Variants in IQCM observed in about 807,000 individuals in gnomAD.
The protein encoded by IQCM is IQ motif containing M.
Under a neutral mutation model 57.6 loss-of-function variants are expected in IQCM, and 45 were observed. The observed-to-expected ratio is 0.78, with a 90% CI of 0.62 to 1.00. The LOEUF is 1.00. Ranked by LOEUF, IQCM falls within the 50% of genes least tolerant of loss-of-function variation. The pLI is 0.00. For missense variants in IQCM, 468 were observed against 511.6 expected (o/e 0.91, Z 0.82); for synonymous variants, 148 against 158.9 (o/e 0.93, Z 0.51).
At position 149,561,211 on chromosome 4, in the gene IQCM, G is replaced by A. The variant is rs578095554; in HGVS notation, c.948+2481C>T. On this transcript the variant is annotated intron_variant, in intron 10 of 13. Coordinates refer to ENST00000636793, the MANE Select transcript of IQCM (RefSeq NM_001363507.2). ...CTTTTTTATCTCAAATTCTATCTCCGTATAGAAATTCAGCATTTTCCTTAT... is the reference window on the plus strand; with the variant it reads ...CTTTTTTATCTCAAATTCTATCTCCATATAGAAATTCAGCATTTTCCTTAT... 6.6e-4 allele frequency among the ~76,000 whole-genome samples: 101 copies of A among 152,052 alleles called. 2 individuals carry two copies. The South Asian group carries it at 0.019, about 29-fold the overall frequency.
chr4:149,778,773 A>C (rs1771339791), intron 2 of IQCM, among the ~76,000 whole-genome samples: 1 of 152,184 alleles, frequency 6.6e-6, no homozygotes, highest in African/African-American at 2.4e-5. Flanking sequence ...CAAAAAGTAT[A>C]AATTGTCATA....
At chr4:149,424,508 A>C (rs2111231770) in intron 13 of IQCM, among the ~76,000 whole-genome samples, 1 of 151,906 alleles carries the variant, frequency 6.6e-6, no homozygotes, top group East Asian at 1.9e-4. Flanking sequence ...TATGCAGAAA[A>C]ATTAGAAACT....
intron 11 of IQCM, among the ~76,000 whole-genome samples, chr4:149,551,748 T>G (rs887864612): frequency 1.3e-5 from 2 of 152,162 alleles, no homozygotes; most frequent in African/African-American, 4.8e-5. Context: ...TTCCTGAATT[T>G]TCTACTAGTG....
At chr4:149,713,311 T>C (rs1197589013) in intron 5 of IQCM, among the ~76,000 whole-genome samples, 1 of 152,232 alleles carries the variant, frequency 6.6e-6, no homozygotes. Context: ...TCAATCCTTA[T>C]GAACACTCCT....
chr4:149,363,020 A>G (rs184216440), intron 13 of IQCM, among the ~76,000 whole-genome samples: 21 of 152,256 alleles, frequency 1.4e-4, no homozygotes, highest in Middle Eastern at 3.4e-3. Flanking sequence ...TTTTCATACC[A>G]TAAGTAGGAA....
At chr4:149,724,893 T>C (rs1765756640) in intron 5 of IQCM, among the ~76,000 whole-genome samples, 1 of 152,020 alleles carries the variant, frequency 6.6e-6, no homozygotes, top group Non-Finnish European at 1.5e-5. Flanking sequence ...TAATTTCTAA[T>C]AGTCAATCAT....
intron 8 of IQCM, among the ~76,000 whole-genome samples, chr4:149,613,985 T>C (rs1755552460): frequency 1.3e-5 from 2 of 152,176 alleles, no homozygotes; most frequent in Admixed American, 6.6e-5. Context: ...GACATTTGGG[T>C]TGGTTCCAAG....
chr4:149,610,422 T>C (rs1367284714), intron 8 of IQCM, among the ~76,000 whole-genome samples: 2 of 151,904 alleles, frequency 1.3e-5, no homozygotes, highest in African/African-American at 4.8e-5. Context: ...GCCAAAGCAA[T>C]CCTGAGTAAA....
chr4:149,704,097 T>C (rs1033431901), intron 5 of IQCM, among the ~76,000 whole-genome samples: 14 of 151,942 alleles, frequency 9.2e-5, no homozygotes, highest in African/African-American at 3.1e-4. Context: ...CCCCAATATA[T>C]GTAAAGTAAT....
chr4:149,619,821 G>C (rs1756160764), intron 8 of IQCM, among the ~76,000 whole-genome samples: 1 of 152,014 alleles, frequency 6.6e-6, no homozygotes, highest in African/African-American at 2.4e-5. Context: ...ATAAGGGTAG[G>C]GTCCTAATCC....
chr4:149,374,070 T>C (rs1469464261), intron 13 of IQCM, among the ~76,000 whole-genome samples: 1 of 152,170 alleles, frequency 6.6e-6, no homozygotes, highest in Non-Finnish European at 1.5e-5. Context: ...TGGCATCTTC[T>C]TGATTTCACA....
chr4:149,647,385 A>G (rs1758741867), intron 7 of IQCM, among the ~76,000 whole-genome samples: 1 of 151,946 alleles, frequency 6.6e-6, no homozygotes, highest in Non-Finnish European at 1.5e-5. Flanking sequence ...TTCCTTCATG[A>G]AAGTTTGTTG....
At chr4:149,406,923 T>C (rs1309111402) in intron 13 of IQCM, among the ~76,000 whole-genome samples, 1 of 151,630 alleles carries the variant, frequency 6.6e-6, no homozygotes, top group Non-Finnish European at 1.5e-5. Context: ...CTCATGATCA[T>C]GGTGGAAGGC....
intron 13 of IQCM, among the ~76,000 whole-genome samples, chr4:149,410,611 A>G (rs1262568302): frequency 6.6e-6 from 1 of 151,998 alleles, no homozygotes; most frequent in Non-Finnish European, 1.5e-5. Context: ...AAGGATATTA[A>G]CAGTAGCATT....
intron 5 of IQCM, chr4:149,691,073 TTTTAAG>T: frequency 6.6e-6 from 1 of 152,232 alleles, no homozygotes; most frequent in East Asian, 1.9e-4. Flanking sequence ...AAAGGAGAAT[TTTTAAG>T]TTTGAGTCTT....
rs70965178 is a variant in IQCM at position 149,354,363 on chromosome 4, C to CAA, written c.1391-2299_1391-2298dup. ...TGGGCGACAGAGCGAGACTCCGTCTCAAAAAAAAAAAAAAAAAAAAAAAAA... is the reference window on the plus strand; with the variant it reads ...TGGGCGACAGAGCGAGACTCCGTCTCAAAAAAAAAAAAAAAAAAAAAAAAAAA... On this transcript the variant is annotated intron_variant, in intron 13 of 13. Coordinates refer to ENST00000636793, the MANE Select transcript of IQCM (RefSeq NM_001363507.2). 4.1e-3 allele frequency among the ~76,000 whole-genome samples: 83 copies of CAA among 20,248 alleles called. 14 individuals are homozygous for CAA. The highest frequency in any genetic ancestry group is 0.012 in the African/African-American group (57 of 4,828). The allele number at this position is 20,248 out of a possible 152,430, so 13.3% of individuals were successfully genotyped here.
chr4:149,696,251 T>C (rs368842880), intron 5 of IQCM, among the ~76,000 whole-genome samples: 40 of 152,298 alleles, frequency 2.6e-4, no homozygotes, highest in African/African-American at 8.4e-4. Flanking sequence ...GTCAGCTTTT[T>C]GCTGAACCTT....
chr4:149,716,693 T>C (rs898710917), intron 5 of IQCM, among the ~76,000 whole-genome samples: 1 of 152,158 alleles, frequency 6.6e-6, no homozygotes, highest in East Asian at 1.9e-4. Context: ...AGCTGAACAA[T>C]AGTTCATACC....
At chr4:149,468,335 G>T (rs540320346) in intron 12 of IQCM, among the ~76,000 whole-genome samples, 1 of 152,194 alleles carries the variant, frequency 6.6e-6, no homozygotes, top group African/African-American at 2.4e-5. Flanking sequence ...TATATCCCGC[G>T]CATAGCTCAG....
Sources: allele counts gnomAD v4.1 joint callset (sites outside exome capture counted in the v4.1 genomes callset), GRCh38; gene constraint gnomAD v4.1.1; transcripts MANE v1.5; gene names NCBI Gene and HGNC (gene_info 2026-07-23, HGNC 2026-07-21).